Variants in TMEM259 observed in about 807,000 individuals in gnomAD.
TMEM259 encodes the protein transmembrane protein 259, also known as membralin.
A neutral mutation model predicts 46.7 loss-of-function variants in TMEM259; 26 were observed. The observed-to-expected ratio is 0.56, with a 90% CI of 0.41 to 0.77. TMEM259 has a LOEUF of 0.77. Among genes scored for constraint, TMEM259 ranks in the 30% least tolerant of loss-of-function variants. TMEM259 has a pLI of 0.00. For synonymous variants in TMEM259, 494 were observed against 395.1 expected (o/e 1.25, Z -2.97); for missense variants, 930 against 900.5 (o/e 1.03, Z -0.42).
At chr19:1,014,035 C>G (rs915870268) in intron 2 of TMEM259, among the ~76,000 whole-genome samples, 157 bp downstream of exon 2, 1 of 152,214 alleles carries the variant, frequency 6.6e-6, no homozygotes, top group African/African-American at 2.4e-5. Flanking sequence ...CCCCAGGCCA[C>G]CAAAAGGCCA....
Position 1,021,083 on chromosome 19 carries a change from C to T in TMEM259, c.-87G>A. 1 of 1,224,396 alleles carries T rather than the reference C, an allele frequency of 8.2e-7. No homozygotes were observed. The allele number at this position is 1,224,396 out of a possible 1,614,324, so 75.8% of individuals were successfully genotyped here. A position where few individuals can be genotyped will look rare whatever the true frequency, so the allele number is the denominator to read the frequency against. On this transcript the variant is annotated 5_prime_UTR_variant, in exon 1 of 11. Transcript: ENST00000356663. ...GGCCGCCCTCGCAGCCGCCGCTCTCCTCACGGCCTCCCGGCCGCCGCCGCC... is the reference window on the plus strand; with the variant it reads ...GGCCGCCCTCGCAGCCGCCGCTCTCTTCACGGCCTCCCGGCCGCCGCCGCC...
In TMEM259 at chr19:1,021,065, C is replaced by G; in HGVS notation, c.-69G>C. On this transcript the variant is annotated 5_prime_UTR_variant, in exon 1 of 11. Coordinates refer to ENST00000356663, the MANE Select transcript of TMEM259 (RefSeq NM_001033026.2). ...CGCCTCCCGGCCGCCATCGGCCGCC[C>G]TCGCAGCCGCCGCTCTCCTCACGGC... The G allele has an allele frequency of 7.9e-7, 1 of 1,272,728 alleles. No individual in the cohort carries two copies. Among genetic ancestry groups the G allele is most frequent in the South Asian group, 2.0e-5 (1 of 49,040 alleles). The allele number at this position is 1,272,728 out of a possible 1,614,324, so 78.8% of individuals were successfully genotyped here.
At chr19:1,019,640 C>T (rs914294277) in intron 1 of TMEM259, among the ~76,000 whole-genome samples, 3 of 152,206 alleles carry the variant, frequency 2.0e-5, no homozygotes, top group African/African-American at 7.2e-5. Context: ...TCCAGCTCCA[C>T]TTGCCGAGCC....
Position 1,010,187 on chromosome 19 carries a change from G to T in TMEM259, c.*163C>A, listed in dbSNP as rs1599466683. The T allele has an allele frequency of 1.1e-5, 7 of 644,048 alleles. No homozygotes were observed. Among genetic ancestry groups the T allele is most frequent in the East Asian group, 6.4e-5 (2 of 31,268 alleles). 39.9% of individuals were successfully genotyped at this position (644,048 alleles called of 1,614,324 possible). On this transcript the variant is annotated 3_prime_UTR_variant, in exon 11 of 11. Transcript: ENST00000356663. ...AGCCTCGGGCGCGACCTCACACCAG[G>T]GGGAGGAAAGCCGCCTTCCGGGCAA... is the stretch of plus-strand genomic sequence containing the variant.
Position 1,011,368 on chromosome 19 carries a change from G to A in TMEM259, c.1216C>T (p.Arg406Trp), listed in dbSNP as rs764291247. The change falls in exon 9 of 11, where the codon CGG becomes TGG. Residue 406 changes from arginine (R) to tryptophan (W), a missense_variant and splice_region_variant. By Grantham distance (101) the Arg-to-Trp change is moderately radical. Coordinates refer to ENST00000356663, the MANE Select transcript of TMEM259 (RefSeq NM_001033026.2). ...ACCCTGCCCCCGCGCCACGCTCACCGCAGCCAATGCCGCTTGCTGGTGCTG... is the reference window on the plus strand; with the variant it reads ...ACCCTGCCCCCGCGCCACGCTCACCACAGCCAATGCCGCTTGCTGGTGCTG... ...HTSTSKRHWL[R>W]FFYLYHFAFY... 1.4e-5 allele frequency: 22 copies of A among 1,572,564 alleles called. No homozygotes were observed. Among genetic ancestry groups the A allele is most frequent in the Non-Finnish European group, 1.9e-5 (22 of 1,160,852 alleles).
chr19:1,019,993 G>A (rs556500798), intron 1 of TMEM259, among the ~76,000 whole-genome samples: 1 of 152,294 alleles, frequency 6.6e-6, no homozygotes, highest in South Asian at 2.1e-4. Context: ...TGAGGAGGGC[G>A]GGAGGGGGAC....
chr19:1,012,374 GC>G (rs200974669), intron 4 of TMEM259, 88 bp downstream of exon 4: 4 of 1,512,144 alleles, frequency 2.6e-6, no homozygotes, highest in Non-Finnish European at 3.5e-6. Context: ...TTCCTGCACA[GC>G]CCCCCGTCCC....
In TMEM259 at chr19:1,011,801, G is replaced by A. The variant is rs373254544; in HGVS notation, c.943-3C>T. On this transcript the variant is annotated splice_polypyrimidine_tract_variant and splice_region_variant and intron_variant, in intron 6 of 10. Transcript: ENST00000356663. Reference sequence around the variant, plus strand: ...AGCAGCATGGACACGCTCAGCGTCTGCAAGGGGCGCGCAGGAAGCGCTATG... The same window carrying A: ...AGCAGCATGGACACGCTCAGCGTCTACAAGGGGCGCGCAGGAAGCGCTATG... 18 of 1,581,324 alleles carry A rather than the reference G, an allele frequency of 1.1e-5. No homozygotes were observed. The African/African-American group carries it at 2.3e-4, about 20-fold the overall frequency.
chr19:1,010,103 C>G lies in TMEM259; in HGVS notation c.*247G>C. The G allele has an allele frequency of 2.0e-6, 1 of 495,488 alleles. No individual in the cohort carries two copies. The highest frequency in any genetic ancestry group is 3.5e-6 in the Non-Finnish European group (1 of 284,214). The allele number at this position is 495,488 out of a possible 1,614,324, so 30.7% of individuals were successfully genotyped here. A position where few individuals can be genotyped will look rare whatever the true frequency, so the allele number is the denominator to read the frequency against. On this transcript the variant is annotated 3_prime_UTR_variant, in exon 11 of 11. Coordinates refer to ENST00000356663, the MANE Select transcript of TMEM259 (RefSeq NM_001033026.2). ...CCTACCAAGACCCCTCCAGAACCTT[C>G]CGCGGAACCCCACCCCCTCTCCTTG...
Position 1,010,905 on chromosome 19 carries a change from G to A in TMEM259, c.1318-10C>T, listed in dbSNP as rs188394433. 6.3e-6 allele frequency: 10 copies of A among 1,588,414 alleles called. No individual in the cohort carries two copies. The highest frequency in any genetic ancestry group is 7.7e-6 in the Non-Finnish European group (9 of 1,175,352). On this transcript the variant is annotated splice_polypyrimidine_tract_variant and intron_variant, in intron 10 of 10. Coordinates refer to ENST00000356663, the MANE Select transcript of TMEM259 (RefSeq NM_001033026.2). ...AGTAGATCATGGAATGCTGCGGGAGGGAGAGTGGGAGTCAGGACGGGCCCG... is the reference window on the plus strand; with the variant it reads ...AGTAGATCATGGAATGCTGCGGGAGAGAGAGTGGGAGTCAGGACGGGCCCG...
At chr19:1,011,858 C>G (rs371837146) in intron 6 of TMEM259, 34 bp downstream of exon 6, 2 of 1,593,892 alleles carry the variant, frequency 1.3e-6, no homozygotes, top group Admixed American at 3.4e-5. Context: ...GGCTCCCGCC[C>G]GGCCAGCCCC....
At chr19:1,012,702 G>C in intron 3 of TMEM259, 129 bp from the exon 4 acceptor site, 1 of 1,260,270 alleles carries the variant, frequency 7.9e-7, no homozygotes. Context: ...GTGGGTGCTG[G>C]GAGGACCCCT....
rs778449137 is a variant in TMEM259 at position 1,012,082 on chromosome 19, C to T, written c.825G>A (p.Glu275=). 5 of 1,612,226 alleles carry T rather than the reference C, an allele frequency of 3.1e-6. No homozygotes were observed. The East Asian group carries it at 1.1e-4, about 36-fold the overall frequency. ...ATGCCTCACCCTTGTTCTCCTCGTTCTCGGCCAGGCCCTTCACGCTGGACA... is the reference window on the plus strand; with the variant it reads ...ATGCCTCACCCTTGTTCTCCTCGTTTTCGGCCAGGCCCTTCACGCTGGACA... ...ILMSSVKGLA[E]NEENKGFLRN... Residue 275 remains glutamate, a synonymous_variant, in exon 5 of 11, where the codon GAG becomes GAA. Transcript: ENST00000356663.
At chr19:1,013,451 C>A in intron 2 of TMEM259, 111 bp from the exon 3 acceptor site, 1 of 1,111,626 alleles carries the variant, frequency 9.0e-7, no homozygotes, top group South Asian at 1.4e-5. Flanking sequence ...CAGCCTCTGC[C>A]CCACCACTGA....
chr19:1,013,154 G>A (rs1037859048), intron 3 of TMEM259, 87 bp downstream of exon 3: 1 of 1,185,220 alleles, frequency 8.4e-7, no homozygotes, highest in Non-Finnish European at 1.3e-6. Context: ...AGCAGGCTGG[G>A]GATGTTCGGA....
intron 1 of TMEM259, among the ~76,000 whole-genome samples, chr19:1,018,603 C>G (rs1031920104): frequency 1.3e-5 from 2 of 152,214 alleles, no homozygotes; most frequent in African/African-American, 4.8e-5. Flanking sequence ...GCAGTTCCAG[C>G]CTGCACTTTG....
Position 1,020,862 on chromosome 19 carries a change from G to A in TMEM259, c.135C>T (p.Phe45=). 2.2e-6 allele frequency: 3 copies of A among 1,361,518 alleles called. No individual in the cohort carries two copies. The highest frequency in any genetic ancestry group is 2.9e-6 in the Non-Finnish European group (3 of 1,051,090). 84.3% of individuals were successfully genotyped at this position (1,361,518 alleles called of 1,614,324 possible). ...NPLINVRDRL[F]HALFFKMAVT... ...CAGCCATCTTGAAGAACAGCGCGTG[G>A]AAGAGCCGGTCGCGCACGTTGATGA... The change falls in exon 1 of 11, where the codon TTC becomes TTT. Residue 45 remains phenylalanine (F), a synonymous_variant. Coordinates refer to ENST00000356663, the MANE Select transcript of TMEM259 (RefSeq NM_001033026.2). The surrounding 1 kb of genome is among the most constrained non-coding windows in gnomAD (Gnocchi z 4.0).
Position 1,011,639 on chromosome 19 carries a change from A to C in TMEM259, c.1025T>G (p.Met342Arg). The change falls in exon 8 of 11, where the codon ATG becomes AGG. Residue 342 changes from methionine (M) to arginine (R), a missense_variant. Physicochemically the swap from Met to Arg is moderately conservative, Grantham distance 91. Transcript: ENST00000356663. ...FIVDLLQMLE[M>R]NMAIAFPAAP... ...TGCGGGGAAGGCGATGGCCATGTTCATCTCCAGCATCTGCAGCAGGTCCAC... is the reference window on the plus strand; with the variant it reads ...TGCGGGGAAGGCGATGGCCATGTTCCTCTCCAGCATCTGCAGCAGGTCCAC... The C allele has an allele frequency of 6.5e-7, 1 of 1,546,706 alleles. No individual in the cohort carries two copies.
chr19:1,017,164 C>G (rs1456827119), intron 1 of TMEM259: 1 of 399,006 alleles, frequency 2.5e-6, no homozygotes, highest in Non-Finnish European at 4.4e-6. Flanking sequence ...TCCTCCTCCC[C>G]AAGACCTGTC....
Sources: gnomAD v4.1 joint callset for allele counts (sites outside exome capture counted in the v4.1 genomes callset) on GRCh38, gnomAD v4.1.1 for gene constraint, Gnocchi (gnomAD v3.1) non-coding constraint, MANE v1.5 for transcripts, NCBI Gene and HGNC (gene_info 2026-07-23, HGNC 2026-07-21) for gene names.